Variants in ITIH3 observed in about 807,000 individuals in gnomAD.
The protein encoded by ITIH3 is inter-alpha-trypsin inhibitor heavy chain H3.
A neutral mutation model predicts 96.5 loss-of-function variants in ITIH3; 81 were observed. The observed-to-expected ratio is 0.84, with a 90% CI of 0.70 to 1.01. ITIH3 has a LOEUF of 1.01. ITIH3 is among the 50% of genes least tolerant of loss of function. The probability of loss-of-function intolerance (pLI) is 0.00; values close to 1 mark genes in which losing one functional copy is unlikely to be tolerated. For missense variants in ITIH3, 1,057 were observed against 1,139.3 expected (o/e 0.93, Z 1.04); for synonymous variants, 422 against 445.2 (o/e 0.95, Z 0.66).
intron 13 of ITIH3, among the ~76,000 whole-genome samples, chr3:52,803,310 TA>T (rs1351254657): frequency 9.3e-4 from 111 of 119,814 alleles, no homozygotes; most frequent in African/African-American, 6.2e-3. Context: ...TTATTTATTT[TA>T]TTTTATTATT....
At chr3:52,797,288 A>C in intron 5 of ITIH3, 21 bp downstream of exon 5, 2 of 1,584,662 alleles carry the variant, frequency 1.3e-6, no homozygotes, top group South Asian at 1.1e-5. Flanking sequence ...GCCCCTGCAG[A>C]CCTGGGGGGA....
At chr3:52,804,833 G>A in intron 15 of ITIH3, 99 bp downstream of exon 15, 2 of 1,345,916 alleles carry the variant, frequency 1.5e-6, no homozygotes, top group Non-Finnish European at 2.1e-6. Context: ...CAGCCATGGG[G>A]GCACACTTGG....
chr3:52,796,848 G>C lies in ITIH3; in HGVS notation c.386+5G>C. 6.3e-7 allele frequency: 1 copy of C among 1,589,478 alleles called. No homozygotes were observed. Among genetic ancestry groups the C allele is most frequent in the African/African-American group, 1.3e-5 (1 of 74,428 alleles). On this transcript the variant is annotated splice_donor_5th_base_variant and intron_variant, in intron 4 of 21. Coordinates refer to ENST00000449956, the MANE Select transcript of ITIH3 (RefSeq NM_002217.4). Reference sequence around the variant, plus strand: ...CAAGACGGCCGGCTTGGTCAAGTAAGTATGGACTCCCAGGCCTTGGGGAGA... The same window carrying C: ...CAAGACGGCCGGCTTGGTCAAGTAACTATGGACTCCCAGGCCTTGGGGAGA...
rs751801771 is a variant in ITIH3 at position 52,806,937 on chromosome 3, G to C, written c.2093G>C (p.Arg698Thr). The C allele has an allele frequency of 3.8e-6, 6 of 1,592,252 alleles. 1 individual carries two copies. The South Asian group carries it at 6.9e-5, about 18-fold the overall frequency. ...AATGGGCAGATCACTGGCGACAAGA[G>C]AGGCAGCCCTGACTCCAAGACCAGA... Reference protein sequence around the residue: ...TVNGQITGDKRGSPDSKTRKT... With the variant: ...TVNGQITGDKTGSPDSKTRKT... Residue 698 changes from arginine (R) to threonine (T), a missense_variant, in exon 19 of 22, where the codon AGA (arginine) becomes ACA (threonine). Arg to Thr is a moderately conservative substitution (Grantham distance 71, BLOSUM62 -1). Coordinates refer to ENST00000449956, the MANE Select transcript of ITIH3 (RefSeq NM_002217.4).
chr3:52,804,981 G>A, intron 15 of ITIH3: 1 of 535,092 alleles, frequency 1.9e-6, no homozygotes, highest in Non-Finnish European at 3.4e-6. Context: ...TCTATGACCT[G>A]CAAAAATGAG....
At chr3:52,805,289 T>G in intron 15 of ITIH3, 1 of 1,009,406 alleles carries the variant, frequency 9.9e-7, no homozygotes, top group Non-Finnish European at 1.2e-6. Flanking sequence ...CCTACTGGCC[T>G]GCCCCACCTC....
chr3:52,806,402 C>T lies in ITIH3; in HGVS notation c.2052C>T (p.Val684=), dbSNP rs201354632. 1 of 1,611,942 alleles carries T rather than the reference C, an allele frequency of 6.2e-7. No individual in the cohort carries two copies. Among genetic ancestry groups the T allele is most frequent in the African/African-American group, 1.3e-5 (1 of 75,022 alleles). ...TGCTGCGCCTTATTCAGGATGCAGTCACAGGTGAGGCTTGTGGGCTAGGGC... is the reference window on the plus strand; with the variant it reads ...TGCTGCGCCTTATTCAGGATGCAGTTACAGGTGAGGCTTGTGGGCTAGGGC... ...GTVLRLIQDA[V]TGLTVNGQIT... The change falls in exon 18 of 22, where the codon GTC becomes GTT. Residue 684 remains valine, a synonymous_variant. Coordinates refer to ENST00000449956, the MANE Select transcript of ITIH3 (RefSeq NM_002217.4).
At chr3:52,799,349 C>T (rs377731401) in intron 7 of ITIH3, 23 bp from the exon 8 acceptor site, 19 of 1,540,798 alleles carry the variant, frequency 1.2e-5, no homozygotes, top group Non-Finnish European at 1.6e-5. Flanking sequence ...ACACCGGCCT[C>T]CGTCCCTCTC....
At position 52,796,657 on chromosome 3, in the gene ITIH3, A is replaced by G; in HGVS notation, c.281+10A>G. On this transcript the variant is annotated intron_variant, in intron 3 of 21. Transcript: ENST00000449956. ...TCACCAACTTCACCTTGTGGGTACC[A>G]CCATGGCTGCTGGCTCTGGGCTCGG... is the stretch of plus-strand genomic sequence containing the variant. 1 of 1,609,788 alleles carries G rather than the reference A, an allele frequency of 6.2e-7. No homozygotes were observed. Among genetic ancestry groups the G allele is most frequent in the South Asian group, 1.1e-5 (1 of 90,654 alleles).
At chr3:52,797,732 A>G in intron 5 of ITIH3, 85 bp from the exon 6 acceptor site, 1 of 819,046 alleles carries the variant, frequency 1.2e-6, no homozygotes. Context: ...GCATCACCAC[A>G]GACCCATCTC....
At position 52,795,593 on chromosome 3, in the gene ITIH3, G is replaced by GT. The variant is rs745763589; in HGVS notation, c.94-4dup. 1.2e-6 allele frequency: 2 copies of GT among 1,610,918 alleles called. No homozygotes were observed. The highest frequency in any genetic ancestry group is 1.1e-5 in the South Asian group (1 of 90,266). On this transcript the variant is annotated splice_polypyrimidine_tract_variant and intron_variant, in intron 1 of 21. Transcript: ENST00000449956. ...GATTCCTGTGTTTGTGTTTGTTTTT[G>GT]TTTTTTCAGAAACGGAGCCTCCCGG...
chr3:52,807,569 C>T (rs544946014), intron 19 of ITIH3, among the ~76,000 whole-genome samples, 178 bp from the exon 20 acceptor site: 2 of 152,322 alleles, frequency 1.3e-5, no homozygotes, highest in South Asian at 2.1e-4. Flanking sequence ...GATCCACTCA[C>T]GGGAGGGGAG....
chr3:52,808,266 G>C (rs1049834813), intron 21 of ITIH3, 45 bp downstream of exon 21: 8 of 1,496,012 alleles, frequency 5.3e-6, no homozygotes, highest in Non-Finnish European at 7.4e-6. Flanking sequence ...GCAACGAGAG[G>C]AGGAAAGAGC....
In ITIH3 at chr3:52,800,601, A is replaced by T. The variant is rs1699792722; in HGVS notation, c.1139A>T (p.His380Leu). Residue 380 changes from histidine to leucine, a missense_variant, in exon 10 of 22, where the codon CAC becomes CTC. By Grantham distance (99) the His-to-Leu change is moderately conservative. Transcript: ENST00000449956. ...ISMLNKAREE[H>L]RIPERSTSIV... ...ATGCTGAACAAGGCCCGAGAGGAGC[A>T]CAGAATCCCAGAGAGGAGCACCTCC... The T allele has an allele frequency of 1.3e-6, 2 of 1,578,012 alleles. No homozygotes were observed. The highest frequency in any genetic ancestry group is 3.7e-5 in the Admixed American group (2 of 54,228).
In ITIH3 at chr3:52,802,805, C is replaced by G; in HGVS notation, c.1708C>G (p.Arg570Gly). 6.2e-7 allele frequency: 1 copy of G among 1,613,842 alleles called. No individual in the cohort carries two copies. Reference protein sequence around the residue: ...YLTIEQLLEKRKNAHGEEKEN... With the variant: ...YLTIEQLLEKGKNAHGEEKEN... ...CACCATTGAGCAGCTGCTGGAGAAG[C>G]GGTGAGCAGAGTCCCAGCCCCCACC... The change falls in exon 13 of 22, where the codon CGC becomes GGC. Residue 570 changes from arginine to glycine, a missense_variant and splice_region_variant. Physicochemically the swap from Arg to Gly is moderately radical, Grantham distance 125. Transcript: ENST00000449956.
chr3:52,797,250 C>A lies in ITIH3; in HGVS notation c.532C>A (p.Leu178Met). The A allele has an allele frequency of 1.2e-6, 2 of 1,605,920 alleles. No individual in the cohort carries two copies. The highest frequency in any genetic ancestry group is 4.5e-5 in the East Asian group (2 of 44,670). ...EMYLKVQPKQ[L>M]VKHFEIEVDI... ...GTACCTCAAGGTCCAGCCTAAGCAA[C>A]TGGTCAAACACTTTGAGGTAATCAA... Residue 178 changes from leucine to methionine, a missense_variant, in exon 5 of 22, where the codon CTG (leucine) becomes ATG (methionine). Coordinates refer to ENST00000449956, the MANE Select transcript of ITIH3 (RefSeq NM_002217.4).
In ITIH3 at chr3:52,808,218, C is replaced by T; in HGVS notation, c.2540C>T (p.Thr847Ile). 6.2e-7 allele frequency: 1 copy of T among 1,612,568 alleles called. No individual in the cohort carries two copies. Among genetic ancestry groups the T allele is most frequent in the Non-Finnish European group, 8.5e-7 (1 of 1,178,574 alleles). ...GTGAAGAACCATCAGCTGATTGTCA[C>T]CAGGTGAGGAGACTTCTCCCACACC... The part of the protein sequence containing the change: ...LVVKNHQLIV[T>I]RGSQKDYRKD... Residue 847 changes from threonine to isoleucine, a missense_variant, in exon 21 of 22, where the codon ACC becomes ATC. Coordinates refer to ENST00000449956, the MANE Select transcript of ITIH3 (RefSeq NM_002217.4).
chr3:52,799,990 C>G, intron 9 of ITIH3, 69 bp downstream of exon 9: 14 of 1,488,828 alleles, frequency 9.4e-6, no homozygotes, highest in Non-Finnish European at 1.2e-5. Flanking sequence ...AGCCTGCAAC[C>G]CCCCTCTTAG....
chr3:52,802,901 C>A, intron 13 of ITIH3, 95 bp downstream of exon 13: 1 of 1,407,852 alleles, frequency 7.1e-7, no homozygotes, highest in Non-Finnish European at 9.7e-7. Context: ...CTGCCCTCTT[C>A]TTGGGCCAGC....
Sources: allele counts gnomAD v4.1 joint callset (sites outside exome capture counted in the v4.1 genomes callset), GRCh38; gene constraint gnomAD v4.1.1; transcripts MANE v1.5; gene names NCBI Gene and HGNC (gene_info 2026-07-23, HGNC 2026-07-21).